The following ACAD11 variants were observed in gnomAD, a reference collection of about 807,000 sequenced individuals.
ACAD11 encodes acyl-Coenzyme A dehydrogenase family, member 11.
A neutral mutation model predicts 102.2 loss-of-function variants in ACAD11; 83 were observed. That is an observed-to-expected ratio of 0.81 (90% CI 0.68 to 0.97). The LOEUF is 0.97. Among genes scored for constraint, ACAD11 ranks in the 50% least tolerant of loss-of-function variants. The pLI is 0.00. For missense variants in ACAD11, 901 were observed against 951.7 expected, an observed-to-expected ratio of 0.95 and a Z score of 0.70; for synonymous variants, 324 against 319.8, an observed-to-expected ratio of 1.01 and a Z score of -0.14.
Position 132,559,130 on chromosome 3 carries a change from G to A in ACAD11, c.2229-45C>T, listed in dbSNP as rs769282305. The A allele has an allele frequency of 3.0e-6, 4 of 1,315,774 alleles. No individual in the cohort carries two copies. In the South Asian group the frequency reaches 4.8e-5, roughly 16 times the overall value. 81.5% of individuals were successfully genotyped at this position (1,315,774 alleles called of 1,614,324 possible). ...AGGGAACACAGGGAGTTATGGAAGA[G>A]GAACATGATACTTTGACATCAGTCA... On this transcript the variant is annotated intron_variant, in intron 19 of 19. Coordinates refer to ENST00000264990, the MANE Select transcript of ACAD11 (RefSeq NM_032169.5).
intron 11 of ACAD11, among the ~76,000 whole-genome samples, chr3:132,616,457 C>T (rs1274626495): frequency 6.6e-6 from 1 of 152,122 alleles, no homozygotes; most frequent in African/African-American, 2.4e-5. Flanking sequence ...AGCTAGCATT[C>T]TCTAAAAAAT....
chr3:132,658,126 G>A (rs535819541), intron 1 of ACAD11, among the ~76,000 whole-genome samples: 1 of 152,240 alleles, frequency 6.6e-6, no homozygotes, highest in African/African-American at 2.4e-5. Flanking sequence ...GCCTCCCAAA[G>A]TGCTGGGATT....
At chr3:132,628,839 G>A (rs186434055) in intron 7 of ACAD11, among the ~76,000 whole-genome samples, 6 of 152,248 alleles carry the variant, frequency 3.9e-5, no homozygotes, top group South Asian at 2.1e-4. Flanking sequence ...ACAATGAGAC[G>A]ATCTCTAAGA....
rs919951086 is a variant in ACAD11, at chr3:132,631,281, T to C, written c.841+60A>G. On this transcript the variant is annotated intron_variant, in intron 6 of 19. Transcript: ENST00000264990. The stretch of plus-strand genomic sequence containing the variant: ...AATTGCAAGATTTATATTTTAATTA[T>C]GAAAGTAATAAAGACAGTTTTATAT... 12 of 1,052,312 alleles carry C rather than the reference T, an allele frequency of 1.1e-5. No individual in the cohort carries two copies. The Admixed American group carries it at 2.3e-4, about 20-fold the overall frequency. 65.2% of individuals were successfully genotyped at this position (1,052,312 alleles called of 1,614,324 possible).
In ACAD11 at chr3:132,618,662, A is replaced by T. The variant is rs1052319101; in HGVS notation, c.1386T>A (p.Ala462=). Residue 462 remains alanine, a synonymous_variant, in exon 11 of 20, where the codon GCT becomes GCA. Coordinates refer to ENST00000264990, the MANE Select transcript of ACAD11 (RefSeq NM_032169.5). ...GTGCTTGGCAGTTAAAGACATCTGGAGCAAAAAAGCATTTTCCTGTTTCTT... is the reference window on the plus strand; with the variant it reads ...GTGCTTGGCAGTTAAAGACATCTGGTGCAAAAAAGCATTTTCCTGTTTCTT... ...IAEETGKCFF[A]PDVFNCQAPD... 1 of 1,606,622 alleles carries T rather than the reference A, an allele frequency of 6.2e-7. No homozygotes were observed. The highest frequency in any genetic ancestry group is 8.5e-7 in the Non-Finnish European group (1 of 1,177,168).
chr3:132,627,804 TG>T (rs1472805554), intron 8 of ACAD11, among the ~76,000 whole-genome samples: 1 of 152,178 alleles, frequency 6.6e-6, no homozygotes, highest in East Asian at 1.9e-4. Flanking sequence ...CATTATGCCA[TG>T]GGTACTTGTG....
intron 9 of ACAD11, among the ~76,000 whole-genome samples, chr3:132,623,267 A>G (rs1035148711): frequency 6.6e-6 from 1 of 152,198 alleles, no homozygotes; most frequent in African/African-American, 2.4e-5. Context: ...AAGTGCTGTT[A>G]AAGTATTGTA....
intron 5 of ACAD11, among the ~76,000 whole-genome samples, chr3:132,634,401 AAAC>A (rs1182981701): frequency 6.6e-6 from 1 of 152,086 alleles, no homozygotes; most frequent in African/African-American, 2.4e-5. Flanking sequence ...AAAAGTCAGG[AAAC>A]AACAGGTGCT....
Position 132,630,485 on chromosome 3 carries a change from C to T in ACAD11, c.915G>A (p.Trp305Ter). 1 of 1,612,998 alleles carries T rather than the reference C, an allele frequency of 6.2e-7. No individual in the cohort carries two copies. The highest frequency in any genetic ancestry group is 8.5e-7 in the Non-Finnish European group (1 of 1,179,422). ...AATATGAAAGGGCAAGAAAGAAATT[C>T]CAGTTAGGAAGAATAGAATTAATTC... ...CRGINSILPN[W>*]NFFLALSYFK... Residue 305 changes from tryptophan (W) to a stop codon, truncating the protein, a stop_gained, in exon 7 of 20, where the codon TGG becomes TGA. Coordinates refer to ENST00000264990, the MANE Select transcript of ACAD11 (RefSeq NM_032169.5). LOFTEE classifies it high-confidence loss of function.
At chr3:132,619,657 G>A in intron 9 of ACAD11, 112 bp from the exon 10 acceptor site, 1 of 553,182 alleles carries the variant, frequency 1.8e-6, no homozygotes. Flanking sequence ...TGCTTTTTCA[G>A]CTATTATTAA....
At position 132,558,937 on chromosome 3, in the gene ACAD11, T is replaced by G; in HGVS notation, c.*34A>C. ...CCAATGAAGTTTGTATAAAGGAGAG[T>G]TTCTGCCAGTGGGATGTGGCAGTGC... On this transcript the variant is annotated 3_prime_UTR_variant, in exon 20 of 20. Transcript: ENST00000264990. 1.3e-6 allele frequency: 2 copies of G among 1,511,622 alleles called. No homozygotes were observed. Among genetic ancestry groups the G allele is most frequent in the Non-Finnish European group, 1.8e-6 (2 of 1,093,664 alleles). 93.6% of individuals were successfully genotyped at this position (1,511,622 alleles called of 1,614,324 possible). A position where few individuals can be genotyped will look rare whatever the true frequency, so the allele number is the denominator to read the frequency against.
Position 132,578,819 on chromosome 3 carries a change from G to A in ACAD11, c.1751C>T (p.Pro584Leu). 1 of 1,612,930 alleles carries A rather than the reference G, an allele frequency of 6.2e-7. No homozygotes were observed. Among genetic ancestry groups the A allele is most frequent in the East Asian group, 2.2e-5 (1 of 44,786 alleles). Residue 584 changes from proline (P) to leucine (L), a missense_variant, in exon 15 of 20, where the codon CCT (proline) becomes CTT (leucine). Transcript: ENST00000264990. ...MNTPGVKIIRPLSVFGYTDNF... is the reference protein window; with the variant it reads ...MNTPGVKIIRLLSVFGYTDNF... ...ACCTGTGTAGCCAAAAACTGACAAA[G>A]GCCTTATTATTTTTACTCCAGGTGT...
rs890938363 is a variant in ACAD11 at position 132,641,359 on chromosome 3, C to T, written c.537+613G>A. ...GAGATTGAGACCATCCTGGCTAACA[C>T]GGTGAAACCCCATGTCTACTAAAAA... On this transcript the variant is annotated intron_variant, in intron 4 of 19. Coordinates refer to ENST00000264990, the MANE Select transcript of ACAD11 (RefSeq NM_032169.5). Among the ~76,000 whole-genome samples, 11 of 152,002 alleles carry T rather than the reference C, an allele frequency of 7.2e-5. No individual in the cohort carries two copies. The South Asian group carries it at 8.3e-4, about 11-fold the overall frequency.
Position 132,594,119 on chromosome 3 carries a change from G to A in ACAD11, c.1621+9110C>T, listed in dbSNP as rs534383205. Among the ~76,000 whole-genome samples the A allele has an allele frequency of 4.6e-5, 7 of 152,206 alleles. No homozygotes were observed. In the East Asian group the frequency reaches 1.4e-3, roughly 29 times the overall value. On this transcript the variant is annotated intron_variant, in intron 13 of 19. Coordinates refer to ENST00000264990, the MANE Select transcript of ACAD11 (RefSeq NM_032169.5). ...ATTTATACACAGCATTCATACACAC[G>A]CTACCAGAGGAAGCTGCTCAATCCT...
intron 9 of ACAD11, among the ~76,000 whole-genome samples, chr3:132,623,919 T>G (rs1200556785): frequency 6.6e-6 from 1 of 152,122 alleles, no homozygotes; most frequent in African/African-American, 2.4e-5. Flanking sequence ...GGCTTCATTT[T>G]AGAGAAAGTA....
intron 5 of ACAD11, among the ~76,000 whole-genome samples, chr3:132,637,431 A>G (rs1940315093): frequency 6.6e-6 from 1 of 152,148 alleles, no homozygotes; most frequent in Non-Finnish European, 1.5e-5. Context: ...ACAGCAATCA[A>G]ATTTGCAGTG....
intron 13 of ACAD11, among the ~76,000 whole-genome samples, chr3:132,597,948 A>G (rs920858837): frequency 1.3e-5 from 2 of 152,246 alleles, no homozygotes; most frequent in South Asian, 4.1e-4. Context: ...AGAGTCATTT[A>G]AAAAAGTTGG....
chr3:132,567,939 G>A (rs1302893910), intron 17 of ACAD11, among the ~76,000 whole-genome samples: 4 of 152,144 alleles, frequency 2.6e-5, no homozygotes, highest in African/African-American at 9.7e-5. Flanking sequence ...CTTATTTACA[G>A]ATGACATGAT....
intron 1 of ACAD11, among the ~76,000 whole-genome samples, chr3:132,646,703 G>A (rs1940731275): frequency 6.6e-6 from 1 of 152,174 alleles, no homozygotes; most frequent in South Asian, 2.1e-4. Context: ...ATATCCGTCT[G>A]CAGACAAAAG....
Sources: allele counts gnomAD v4.1 joint callset (sites outside exome capture counted in the v4.1 genomes callset), GRCh38; gene constraint gnomAD v4.1.1; transcripts MANE v1.5; gene names NCBI Gene and HGNC (gene_info 2026-07-23, HGNC 2026-07-21).